Variants in PYGO1 observed in about 807,000 individuals in gnomAD.
PYGO1 encodes the protein pygopus homolog 1.
In PYGO1, 6 loss-of-function variants were observed where a neutral mutation model predicts 29.5. The ratio of observed to expected loss-of-function variants is 0.20; its 90% confidence interval spans 0.11 to 0.40. The LOEUF (loss-of-function observed/expected upper bound fraction) is 0.40. PYGO1 is among the 10% of genes least tolerant of loss of function. The pLI is 1.00. For synonymous variants in PYGO1, 186 were observed against 180.5 expected (o/e 1.03, Z -0.24); for missense variants, 515 against 514.9 (o/e 1.00, Z 0.00).
At chr15:55,573,523 A>G (rs1262618047) in intron 1 of PYGO1, among the ~76,000 whole-genome samples, 1 of 152,182 alleles carries the variant, frequency 6.6e-6, no homozygotes, top group African/African-American at 2.4e-5. Flanking sequence ...AGTATCTCAG[A>G]GAGTTATGTG....
rs909747714 is a variant in PYGO1, at chr15:55,568,918, C to A, written c.49+18917G>T. 1.3e-5 allele frequency among the ~76,000 whole-genome samples: 2 copies of A among 152,134 alleles called. 1 individual carries two copies. The highest frequency in any genetic ancestry group is 2.9e-5 in the Non-Finnish European group (2 of 68,016). On this transcript the variant is annotated intron_variant, in intron 1 of 2. Coordinates refer to ENST00000563719, the MANE Select transcript of PYGO1 (RefSeq NM_001367806.1). ...TATTGATTTGCTTATGTTGAACCAA[C>A]CTTGCACCCCAGGACTGAAACCTAC...
chr15:55,578,340 G>A (rs933671997), intron 1 of PYGO1, among the ~76,000 whole-genome samples: 4 of 150,756 alleles, frequency 2.7e-5, no homozygotes, highest in Non-Finnish European at 4.4e-5. Context: ...ACAAGTTTTT[G>A]TATAAGCATG....
Position 55,545,392 on chromosome 15 carries a change from C to T in PYGO1, c.*631G>A, listed in dbSNP as rs1450617811. On this transcript the variant is annotated 3_prime_UTR_variant, in exon 3 of 3. Coordinates refer to ENST00000563719, the MANE Select transcript of PYGO1 (RefSeq NM_001367806.1). The stretch of plus-strand genomic sequence containing the variant: ...TATTAGCAATTTCATGTGGTACCAT[C>T]CACAAGTTAATCAACAATACTTACT... The T allele has an allele frequency of 1.3e-5, 2 of 152,160 alleles. No homozygotes were observed. The highest frequency in any genetic ancestry group is 2.9e-5 in the Non-Finnish European group (2 of 68,042). 9.4% of individuals were successfully genotyped at this position (152,160 alleles called of 1,614,324 possible).
intron 1 of PYGO1, among the ~76,000 whole-genome samples, chr15:55,560,352 T>C (rs2058927790): frequency 6.6e-6 from 1 of 152,038 alleles, no homozygotes; most frequent in Non-Finnish European, 1.5e-5. Context: ...ATAAAATCAG[T>C]GTAAAAAAAT....
chr15:55,571,714 T>C (rs979177920), intron 1 of PYGO1, among the ~76,000 whole-genome samples: 2 of 152,160 alleles, frequency 1.3e-5, no homozygotes, highest in Non-Finnish European at 2.9e-5. Context: ...CTATAAATCA[T>C]CCAGTCTTGG....
At chr15:55,560,050 T>C (rs558920484) in intron 1 of PYGO1, among the ~76,000 whole-genome samples, 7 of 152,174 alleles carry the variant, frequency 4.6e-5, no homozygotes, top group South Asian at 4.2e-4. Context: ...AATAACCATA[T>C]ATATGACAAA....
intron 1 of PYGO1, among the ~76,000 whole-genome samples, chr15:55,554,503 A>AAAAAAAAC (rs2058894989): frequency 6.7e-6 from 1 of 149,652 alleles, no homozygotes; most frequent in Admixed American, 6.7e-5. Flanking sequence ...AGAAAGAAAG[A>AAAAAAAAC]ACTGGGCTGA....
In PYGO1 at chr15:55,544,378, T is replaced by A. The variant is rs1423858293; in HGVS notation, c.*1645A>T. 6.6e-6 allele frequency: 1 copy of A among 152,168 alleles called. No homozygotes were observed. The highest frequency in any genetic ancestry group is 1.5e-5 in the Non-Finnish European group (1 of 68,024). 9.4% of individuals were successfully genotyped at this position (152,168 alleles called of 1,614,324 possible). Reference sequence around the variant, plus strand: ...CATCTCGATTGGGGAATGCATTGTTTCTTAGAAAAAGCTCCAAATGATAGA... The same window carrying A: ...CATCTCGATTGGGGAATGCATTGTTACTTAGAAAAAGCTCCAAATGATAGA... On this transcript the variant is annotated 3_prime_UTR_variant, in exon 3 of 3. Coordinates refer to ENST00000563719, the MANE Select transcript of PYGO1 (RefSeq NM_001367806.1).
rs1331733873 is a variant in PYGO1 at position 55,545,037 on chromosome 15, C to T, written c.*986G>A. 6.6e-6 allele frequency: 1 copy of T among 152,126 alleles called. No individual in the cohort carries two copies. Among genetic ancestry groups the T allele is most frequent in the Non-Finnish European group, 1.5e-5 (1 of 68,018 alleles). 9.4% of individuals were successfully genotyped at this position (152,126 alleles called of 1,614,324 possible). On this transcript the variant is annotated 3_prime_UTR_variant, in exon 3 of 3. Coordinates refer to ENST00000563719, the MANE Select transcript of PYGO1 (RefSeq NM_001367806.1). ...CTTTGTTTAAAATGGATTTTGATCT[C>T]CCCTAGGGTTCATTTTTGAAATTCA...
chr15:55,556,192 A>G (rs1334662819), intron 1 of PYGO1, among the ~76,000 whole-genome samples: 1 of 152,188 alleles, frequency 6.6e-6, no homozygotes, highest in Non-Finnish European at 1.5e-5. Flanking sequence ...CCCAAAAACA[A>G]CAGAATTTAC....
At position 55,543,002 on chromosome 15, in the gene PYGO1, G is replaced by A. The variant is rs773310656; in HGVS notation, c.*3021C>T. On this transcript the variant is annotated 3_prime_UTR_variant, in exon 3 of 3. Coordinates refer to ENST00000563719, the MANE Select transcript of PYGO1 (RefSeq NM_001367806.1). ...TTTCTGTCAATAACCTAGCTTTGGT[G>A]AGTAAACCTAGATGCTCATAGTTAG... 1 of 152,190 alleles carries A rather than the reference G, an allele frequency of 6.6e-6. No individual in the cohort carries two copies. The highest frequency in any genetic ancestry group is 1.5e-5 in the Non-Finnish European group (1 of 68,158). 9.4% of individuals were successfully genotyped at this position (152,190 alleles called of 1,614,324 possible).
intron 1 of PYGO1, among the ~76,000 whole-genome samples, chr15:55,561,419 G>A (rs1476832271): frequency 2.0e-5 from 3 of 152,156 alleles, no homozygotes; most frequent in African/African-American, 7.2e-5. Flanking sequence ...GGAGGCCTCA[G>A]GAAACTTACA....
intron 1 of PYGO1, among the ~76,000 whole-genome samples, chr15:55,550,464 A>C (rs510501): frequency 0.95 from 144,237 of 152,192 alleles, 68,455 homozygotes; most frequent in Admixed American, 0.97. Context: ...GTAGTCCATC[A>C]CACTCCCCAA....
At chr15:55,562,382 T>C (rs987893622) in intron 1 of PYGO1, among the ~76,000 whole-genome samples, 1 of 152,148 alleles carries the variant, frequency 6.6e-6, no homozygotes, top group African/African-American at 2.4e-5. Context: ...TAAAAATACA[T>C]GCACACTGGC....
At chr15:55,568,343 T>C (rs1381177073) in intron 1 of PYGO1, among the ~76,000 whole-genome samples, 1 of 151,322 alleles carries the variant, frequency 6.6e-6, no homozygotes, top group African/African-American at 2.4e-5. Flanking sequence ...TGTGTGTGTG[T>C]GTGTGTGTGT....
At chr15:55,586,518 A>T (rs1460281313) in intron 1 of PYGO1, among the ~76,000 whole-genome samples, 1 of 152,186 alleles carries the variant, frequency 6.6e-6, no homozygotes, top group Non-Finnish European at 1.5e-5. Context: ...ACTCTTAATG[A>T]TATCTATCAC....
At chr15:55,553,536 C>T (rs2058889488) in intron 1 of PYGO1, among the ~76,000 whole-genome samples, 1 of 152,074 alleles carries the variant, frequency 6.6e-6, no homozygotes, top group African/African-American at 2.4e-5. Context: ...GCTGGAATTA[C>T]AGGCACTTGC....
At chr15:55,548,518 C>A (rs2058862672) in intron 2 of PYGO1, among the ~76,000 whole-genome samples, 1 of 151,222 alleles carries the variant, frequency 6.6e-6, no homozygotes, top group Non-Finnish European at 1.5e-5. Flanking sequence ...CCATCCTGAT[C>A]AACATGGTGA....
Position 55,545,639 on chromosome 15 carries a change from T to C in PYGO1, c.*384A>G, listed in dbSNP as rs1363633124. The stretch of plus-strand genomic sequence containing the variant: ...TGTTAAGTGGATCCTTGATAAACTT[T>C]TTGAACTAAATCTTTAATATGGTAC... On this transcript the variant is annotated 3_prime_UTR_variant, in exon 3 of 3. Transcript: ENST00000563719. The C allele has an allele frequency of 6.3e-6, 1 of 159,108 alleles. No homozygotes were observed. The highest frequency in any genetic ancestry group is 1.4e-5 in the Non-Finnish European group (1 of 72,702). 9.9% of individuals were successfully genotyped at this position (159,108 alleles called of 1,614,324 possible).
Sources: allele counts gnomAD v4.1 joint callset (sites outside exome capture counted in the v4.1 genomes callset), GRCh38; gene constraint gnomAD v4.1.1; transcripts MANE v1.5; gene names NCBI Gene and HGNC (gene_info 2026-07-23, HGNC 2026-07-21).